The following ADAMTSL4 variants were observed in gnomAD, a reference collection of about 807,000 sequenced individuals.
ADAMTSL4 encodes the protein ADAMTS like 4.
A neutral mutation model predicts 122.8 loss-of-function variants in ADAMTSL4; 97 were observed. That is an observed-to-expected ratio of 0.79 (90% CI 0.67 to 0.93). ADAMTSL4 has a LOEUF of 0.93. ADAMTSL4 is among the 40% of genes least tolerant of loss of function. ADAMTSL4 has a pLI of 0.00. For missense variants in ADAMTSL4, 1,408 were observed against 1,453.5 expected (o/e 0.97, Z 0.51); for synonymous variants, 592 against 568.0 (o/e 1.04, Z -0.60).
chr1:150,552,980 C>T lies in ADAMTSL4; in HGVS notation c.161C>T (p.Ala54Val), dbSNP rs777154231. Residue 54 changes from alanine (A) to valine (V), a missense_variant, in exon 5 of 19, where the codon GCC becomes GTC. Ala to Val is a moderately conservative substitution (Grantham distance 64). Coordinates refer to ENST00000271643, the MANE Select transcript of ADAMTSL4 (RefSeq NM_019032.6). This position sits in a 1 kb window ranked among gnomAD's most constrained non-coding sequence, Gnocchi z 4.0. Reference sequence around the variant, plus strand: ...GTCTGGGGACCTTGGGTCCAGTGGGCCTCTTGCTCCCAGCCCTGCGGGGTG... The same window carrying T: ...GTCTGGGGACCTTGGGTCCAGTGGGTCTCTTGCTCCCAGCCCTGCGGGGTG... ...EGVWGPWVQW[A>V]SCSQPCGVGV... The T allele has an allele frequency of 6.2e-7, 1 of 1,613,272 alleles. No individual in the cohort carries two copies.
rs1195355282 is a variant in ADAMTSL4, at chr1:150,558,101, C to T, written c.2334C>T (p.Cys778=). Residue 778 remains cysteine (C), a synonymous_variant, in exon 14 of 19, where the codon TGC becomes TGT. Coordinates refer to ENST00000271643, the MANE Select transcript of ADAMTSL4 (RefSeq NM_019032.6). ...HLPRPNITQS[C]QLRLCGHWEV... is the part of the protein sequence containing the mutation. ...CCCGGCCCAACATCACCCAGTCTTG[C>T]CAGCTGCGCCTCTGTGGCCATTGGG... 1.2e-6 allele frequency: 2 copies of T among 1,613,324 alleles called. No individual in the cohort carries two copies. Among genetic ancestry groups the T allele is most frequent in the South Asian group, 2.2e-5 (2 of 91,080 alleles).
chr1:150,554,362 C>A lies in ADAMTSL4; in HGVS notation c.1132-3C>A. Reference sequence around the variant, plus strand: ...TCTGACTCCTTTGTACCCCTCACCGCAGCCCTGCCCCCCTGAGCAGCCAGA... The same window carrying A: ...TCTGACTCCTTTGTACCCCTCACCGAAGCCCTGCCCCCCTGAGCAGCCAGA... On this transcript the variant is annotated splice_polypyrimidine_tract_variant and splice_region_variant and intron_variant, in intron 6 of 18. Transcript: ENST00000271643. This position sits in a 1 kb window ranked among gnomAD's most constrained non-coding sequence, Gnocchi z 4.0. 6.2e-7 allele frequency: 1 copy of A among 1,612,538 alleles called. No individual in the cohort carries two copies. Among genetic ancestry groups the A allele is most frequent in the Admixed American group, 1.7e-5 (1 of 60,026 alleles).
chr1:150,557,539 A>G lies in ADAMTSL4; in HGVS notation c.2093A>G (p.Glu698Gly). The stretch of plus-strand genomic sequence containing the variant: ...CTCTGCATCTCCCGTGAGTCGGGAG[A>G]GGAACTGGATGAACGCAGCTGTGCC... ...IFLCISRESG[E>G]ELDERSCAAG... is the part of the protein sequence containing the mutation. The change falls in exon 13 of 19, where the codon GAG becomes GGG. Residue 698 changes from glutamate to glycine, a missense_variant. By Grantham distance (98) the Glu-to-Gly change is moderately conservative (BLOSUM62 -2). Coordinates refer to ENST00000271643, the MANE Select transcript of ADAMTSL4 (RefSeq NM_019032.6). 1 of 1,611,968 alleles carries G rather than the reference A, an allele frequency of 6.2e-7. No individual in the cohort carries two copies. The highest frequency in any genetic ancestry group is 8.5e-7 in the Non-Finnish European group (1 of 1,179,502).
rs1671508437 is a variant in ADAMTSL4, at chr1:150,552,365, CTG to C, written c.20+61_20+62del. ...GAAAAGGGGAGGTGCTGGGATGGCT[CTG>C]TGTCTGGAAGTGAGGGAAAGGGGAC... On this transcript the variant is annotated intron_variant, in intron 3 of 18. Transcript: ENST00000271643. This position sits in a 1 kb window ranked among gnomAD's most constrained non-coding sequence, Gnocchi z 4.0. The C allele has an allele frequency of 1.3e-6, 2 of 1,544,962 alleles. No individual in the cohort carries two copies. The highest frequency in any genetic ancestry group is 2.0e-5 in the Admixed American group (1 of 51,232).
At position 150,553,900 on chromosome 1, in the gene ADAMTSL4, T is replaced by G; in HGVS notation, c.909T>G (p.Pro303=). 1.9e-6 allele frequency: 3 copies of G among 1,613,494 alleles called. No homozygotes were observed. The highest frequency in any genetic ancestry group is 2.5e-6 in the Non-Finnish European group (3 of 1,179,848). Residue 303 remains proline, a synonymous_variant, in exon 6 of 19, where the codon CCT becomes CCG. Coordinates refer to ENST00000271643, the MANE Select transcript of ADAMTSL4 (RefSeq NM_019032.6). ...QVAGRRPDPF[P]SVPRGRGQQG... is the part of the protein sequence containing the mutation. ...CAGGGAGACGCCCTGATCCTTTTCC[T>G]TCGGTCCCTCGGGGCCGAGGCCAGC...
Position 150,554,374 on chromosome 1 carries a change from C to G in ADAMTSL4, c.1141C>G (p.Pro381Ala), listed in dbSNP as rs151226442. Residue 381 changes from proline (P) to alanine (A), a missense_variant, in exon 7 of 19, where the codon CCT (proline) becomes GCT (alanine). Coordinates refer to ENST00000271643, the MANE Select transcript of ADAMTSL4 (RefSeq NM_019032.6). The surrounding 1 kb of genome is among the most constrained non-coding windows in gnomAD (Gnocchi z 4.0). Reference protein sequence around the residue: ...LRACSQAPCPPEQPDPRALQC... With the variant: ...LRACSQAPCPAEQPDPRALQC... Reference sequence around the variant, plus strand: ...GTACCCCTCACCGCAGCCCTGCCCCCCTGAGCAGCCAGACCCCCGGGCCCT... The same window carrying G: ...GTACCCCTCACCGCAGCCCTGCCCCGCTGAGCAGCCAGACCCCCGGGCCCT... 82 of 1,613,262 alleles carry G rather than the reference C, an allele frequency of 5.1e-5. 2 individuals carry two copies. In the South Asian group the frequency reaches 6.9e-4, roughly 14 times the overall value.
intron 8 of ADAMTSL4, 145 bp downstream of exon 8, chr1:150,555,710 T>C (rs6677844): frequency 2.2e-4 from 262 of 1,170,088 alleles, no homozygotes; most frequent in Non-Finnish European, 3.0e-4. Flanking sequence ...CACAGACACA[T>C]GCACACACGC....
In ADAMTSL4 at chr1:150,556,957, A is replaced by C. The variant is rs899116015; in HGVS notation, c.1768A>C (p.Asn590His). 1 of 1,613,902 alleles carries C rather than the reference A, an allele frequency of 6.2e-7. No individual in the cohort carries two copies. Among genetic ancestry groups the C allele is most frequent in the Admixed American group, 1.7e-5 (1 of 59,998 alleles). Residue 590 changes from asparagine to histidine, a missense_variant, in exon 11 of 19, where the codon AAC (asparagine) becomes CAC (histidine). Physicochemically the swap from Asn to His is moderately conservative, Grantham distance 68 (BLOSUM62 1). Transcript: ENST00000271643. The surrounding 1 kb of genome is among the most constrained non-coding windows in gnomAD (Gnocchi z 4.1). Reference sequence around the variant, plus strand: ...TCCCCAGATGATCTTTCAGGAGGAAAACCCAGGCGTTTTTTATCAGTATGT... The same window carrying C: ...TCCCCAGATGATCTTTCAGGAGGAACACCCAGGCGTTTTTTATCAGTATGT... ...VDVYMIFQEE[N>H]PGVFYQYVIS... is the part of the protein sequence containing the mutation.
chr1:150,556,716 A>C lies in ADAMTSL4; in HGVS notation c.1672A>C (p.Asn558His). The part of the protein sequence containing the change: ...YRAGGTVFRY[N>H]RPPREEGKGE... ...GGCCGGCGGGACCGTCTTTCGATAT[A>C]ACCGTCCTCCCAGGGAGGAGGGCAA... The change falls in exon 10 of 19, where the codon AAC becomes CAC. Residue 558 changes from asparagine to histidine, a missense_variant. Physicochemically the swap from Asn to His is moderately conservative, Grantham distance 68. Coordinates refer to ENST00000271643, the MANE Select transcript of ADAMTSL4 (RefSeq NM_019032.6). The surrounding 1 kb of genome is among the most constrained non-coding windows in gnomAD (Gnocchi z 4.1). The C allele has an allele frequency of 6.2e-7, 1 of 1,613,920 alleles. No individual in the cohort carries two copies. The highest frequency in any genetic ancestry group is 1.1e-5 in the South Asian group (1 of 91,074).
rs959665666 is a variant in ADAMTSL4, at chr1:150,559,120, G to A, written c.2718G>A (p.Gly906=). ...CTGACATGCGCGCCTGCAGCCTGGG[G>A]CCCTGTGAGAGAACTTGGCGCTGGT... is the stretch of plus-strand genomic sequence containing the variant. ...RPPDMRACSL[G]PCERTWRWYT... is the part of the protein sequence containing the mutation. The change falls in exon 16 of 19, where the codon GGG becomes GGA. Residue 906 remains glycine (G), a synonymous_variant. Transcript: ENST00000271643. This position sits in a 1 kb window ranked among gnomAD's most constrained non-coding sequence, Gnocchi z 4.1. 6.2e-7 allele frequency: 1 copy of A among 1,612,734 alleles called. No homozygotes were observed.
Position 150,556,689 on chromosome 1 carries a change from A to G in ADAMTSL4, c.1645A>G (p.Arg549Gly). The G allele has an allele frequency of 6.2e-7, 1 of 1,614,016 alleles. No individual in the cohort carries two copies. Residue 549 changes from arginine to glycine, a missense_variant, in exon 10 of 19, where the codon AGG becomes GGG. By Grantham distance (125) the Arg-to-Gly change is moderately radical. Transcript: ENST00000271643. This position sits in a 1 kb window ranked among gnomAD's most constrained non-coding sequence, Gnocchi z 4.1. Reference sequence around the variant, plus strand: ...GGCTGTGGATCCCCCTGGGTCCTACAGGGCCGGCGGGACCGTCTTTCGATA... The same window carrying G: ...GGCTGTGGATCCCCCTGGGTCCTACGGGGCCGGCGGGACCGTCTTTCGATA... ...NWAVDPPGSY[R>G]AGGTVFRYNR...
At position 150,557,428 on chromosome 1, in the gene ADAMTSL4, G is replaced by A. The variant is rs183926645; in HGVS notation, c.2048-66G>A. 3.2e-4 allele frequency: 523 copies of A among 1,610,788 alleles called. 4 individuals are homozygous for A. In the African/African-American group the frequency reaches 5.6e-3, roughly 17 times the overall value. On this transcript the variant is annotated intron_variant, in intron 12 of 18. Coordinates refer to ENST00000271643, the MANE Select transcript of ADAMTSL4 (RefSeq NM_019032.6). ...ATTGTGGGGCCACGCCCGACCCTGC[G>A]TCTGGGACACCACTGAGCTTGGGCT...
Position 150,556,408 on chromosome 1 carries a change from C to A in ADAMTSL4, c.1576+42C>A. 6.2e-7 allele frequency: 1 copy of A among 1,610,608 alleles called. No individual in the cohort carries two copies. Among genetic ancestry groups the A allele is most frequent in the South Asian group, 1.1e-5 (1 of 90,790 alleles). ...CTCCCCTTCCACTTCCGTCTCTGTTCGGCCCTCCATACCCCTACTCAGAGC... is the reference window on the plus strand; with the variant it reads ...CTCCCCTTCCACTTCCGTCTCTGTTAGGCCCTCCATACCCCTACTCAGAGC... On this transcript the variant is annotated intron_variant, in intron 9 of 18. Coordinates refer to ENST00000271643, the MANE Select transcript of ADAMTSL4 (RefSeq NM_019032.6). The surrounding 1 kb of genome is among the most constrained non-coding windows in gnomAD (Gnocchi z 4.1).
rs770353352 is a variant in ADAMTSL4, at chr1:150,553,291, G to A, written c.434+38G>A. On this transcript the variant is annotated intron_variant, in intron 5 of 18. Coordinates refer to ENST00000271643, the MANE Select transcript of ADAMTSL4 (RefSeq NM_019032.6). ...GGTGGAAGAGGTGGGCCTTGGGCAA[G>A]GTGGGGGCTTAGCATGAAGGAAAGG... The A allele has an allele frequency of 4.3e-6, 7 of 1,610,346 alleles. No individual in the cohort carries two copies. In the South Asian group the frequency reaches 7.7e-5, roughly 18 times the overall value.
chr1:150,556,192 G>A lies in ADAMTSL4; in HGVS notation c.1402G>A (p.Gly468Ser). 1 of 1,614,228 alleles carries A rather than the reference G, an allele frequency of 6.2e-7. No homozygotes were observed. The highest frequency in any genetic ancestry group is 8.5e-7 in the Non-Finnish European group (1 of 1,180,046). Residue 468 changes from glycine to serine, a missense_variant, in exon 9 of 19, where the codon GGC (glycine) becomes AGC (serine). Physicochemically the swap from Gly to Ser is moderately conservative, Grantham distance 56. Transcript: ENST00000271643. The surrounding 1 kb of genome is among the most constrained non-coding windows in gnomAD (Gnocchi z 4.1). ...SPGCDGILGS[G>S]RRPDGCGVCG... ...CGGCTGTGATGGGATCCTTGGCTCT[G>A]GCAGGCGTCCTGATGGCTGTGGAGT...
chr1:150,555,634 T>C, intron 8 of ADAMTSL4, 69 bp downstream of exon 8: 1 of 1,538,154 alleles, frequency 6.5e-7, no homozygotes, highest in Non-Finnish European at 8.7e-7. Flanking sequence ...CCCATATGCA[T>C]ACACATGTAC....
chr1:150,552,482 AG>A lies in ADAMTSL4; in HGVS notation c.21-60del. 1 of 1,605,096 alleles carries A rather than the reference AG, an allele frequency of 6.2e-7. No homozygotes were observed. Among genetic ancestry groups the A allele is most frequent in the Non-Finnish European group, 8.5e-7 (1 of 1,171,898 alleles). On this transcript the variant is annotated intron_variant, in intron 3 of 18. Transcript: ENST00000271643. The surrounding 1 kb of genome is among the most constrained non-coding windows in gnomAD (Gnocchi z 4.0). ...TGGGAGCCGGCTGGGGGCGGAGGGC[AG>A]TGTTGCAACACCCCCTCTGGCTCCA...
rs587690935 is a variant in ADAMTSL4, at chr1:150,552,464, C to A, written c.21-79C>A. 6.3e-7 allele frequency: 1 copy of A among 1,599,544 alleles called. No individual in the cohort carries two copies. Among genetic ancestry groups the A allele is most frequent in the Admixed American group, 1.7e-5 (1 of 59,692 alleles). On this transcript the variant is annotated intron_variant, in intron 3 of 18. Coordinates refer to ENST00000271643, the MANE Select transcript of ADAMTSL4 (RefSeq NM_019032.6). The surrounding 1 kb of genome is among the most constrained non-coding windows in gnomAD (Gnocchi z 4.0). The stretch of plus-strand genomic sequence containing the variant: ...AAGTTGGTAGTCAGGATATGGGAGC[C>A]GGCTGGGGGCGGAGGGCAGTGTTGC...
In ADAMTSL4 at chr1:150,552,255, TCCTGCCTC is replaced by T; in HGVS notation, c.-31_-24del. ...TGCGTAGTTTTTGTGACCAGTCCGC[TCCTGCCTC>T]CCCCTGGGGCAGTAGAGGGGGAGCG... On this transcript the variant is annotated 5_prime_UTR_variant, in exon 3 of 19. Transcript: ENST00000271643. This position sits in a 1 kb window ranked among gnomAD's most constrained non-coding sequence, Gnocchi z 4.0. 1 of 1,550,232 alleles carries T rather than the reference TCCTGCCTC, an allele frequency of 6.5e-7. No individual in the cohort carries two copies. Among genetic ancestry groups the T allele is most frequent in the South Asian group, 1.2e-5 (1 of 83,928 alleles).
Sources: gnomAD v4.1 joint callset for allele counts on GRCh38, gnomAD v4.1.1 for gene constraint, Gnocchi (gnomAD v3.1) non-coding constraint, MANE v1.5 for transcripts, NCBI Gene and HGNC (gene_info 2026-07-23, HGNC 2026-07-21) for gene names.